Variants in AXIN1 observed in about 807,000 individuals in gnomAD.
AXIN1 encodes axin 1.
AXIN1 carries 30 observed loss-of-function variants against 76.4 expected under a neutral mutation model. That is an observed-to-expected ratio of 0.39 (90% CI 0.29 to 0.53). The LOEUF is 0.53. AXIN1 is among the 20% of genes least tolerant of loss of function. The pLI, the probability that AXIN1 is intolerant of heterozygous loss-of-function variation, is 0.66. For missense variants in AXIN1, 1,140 were observed against 1,198.8 expected (o/e 0.95, Z 0.72); for synonymous variants, 545 against 501.4 (o/e 1.09, Z -1.16).
intron 2 of AXIN1, among the ~76,000 whole-genome samples, chr16:330,096 T>C: frequency 6.8e-6 from 1 of 146,950 alleles, no homozygotes; most frequent in Non-Finnish European, 1.5e-5. Context: ...GGTCTCTCTC[T>C]GTCAACCAGG....
At chr16:341,346 C>T (rs977204556) in intron 2 of AXIN1, among the ~76,000 whole-genome samples, 14 of 152,320 alleles carry the variant, frequency 9.2e-5, no homozygotes, top group Admixed American at 8.5e-4. Flanking sequence ...TTGGTGGGCC[C>T]GGCACTCAGA....
chr16:291,448 G>C, intron 8 of AXIN1, 151 bp from the exon 9 acceptor site: 1 of 705,146 alleles, frequency 1.4e-6, no homozygotes, highest in Non-Finnish European at 2.5e-6. Flanking sequence ...GGGTAGACAA[G>C]ACACCGAGTC....
At chr16:351,969 G>A (rs927406712) in intron 1 of AXIN1, among the ~76,000 whole-genome samples, 8 of 152,282 alleles carry the variant, frequency 5.3e-5, no homozygotes, top group Non-Finnish European at 8.8e-5. Context: ...AACCTGGAGG[G>A]TACGGACGCC....
chr16:346,879 A>C lies in AXIN1; in HGVS notation c.147T>G (p.Gly49=). Residue 49 remains glycine (G), a synonymous_variant, in exon 2 of 11, where the codon GGT becomes GGG. Coordinates refer to ENST00000262320, the MANE Select transcript of AXIN1 (RefSeq NM_003502.4). ...PASYSFCSGK[G]VGIKGETSTA... is the part of the protein sequence containing the mutation. Reference sequence around the variant, plus strand: ...TCGAAGTCTCACCTTTAATGCCAACACCTTTCCCGGAGCAGAAACTGTAGC... The same window carrying C: ...TCGAAGTCTCACCTTTAATGCCAACCCCTTTCCCGGAGCAGAAACTGTAGC... 6.2e-7 allele frequency: 1 copy of C among 1,613,570 alleles called. No individual in the cohort carries two copies. The highest frequency in any genetic ancestry group is 8.5e-7 in the Non-Finnish European group (1 of 1,179,560).
intron 2 of AXIN1, among the ~76,000 whole-genome samples, chr16:328,461 C>T (rs1341487510): frequency 6.6e-6 from 1 of 151,888 alleles, no homozygotes; most frequent in African/African-American, 2.4e-5. Flanking sequence ...TTTGGGAGGC[C>T]GCGGCGGGCG....
intron 2 of AXIN1, among the ~76,000 whole-genome samples, chr16:332,256 A>G (rs1009215890): frequency 6.6e-6 from 1 of 152,208 alleles, no homozygotes; most frequent in African/African-American, 2.4e-5. Flanking sequence ...CAAGTAAAGC[A>G]TATTTAACTT....
intron 2 of AXIN1, among the ~76,000 whole-genome samples, chr16:341,275 C>T (rs1445461718): frequency 1.3e-5 from 2 of 152,248 alleles, no homozygotes; most frequent in African/African-American, 4.8e-5. Context: ...GGGAGAGGCG[C>T]GAGCGGGAAC....
intron 2 of AXIN1, among the ~76,000 whole-genome samples, chr16:318,805 G>C (rs908384939): frequency 1.3e-5 from 2 of 151,174 alleles, no homozygotes; most frequent in African/African-American, 4.9e-5. Flanking sequence ...TTCTCAGACA[G>C]TGGAGATGCT....
intron 7 of AXIN1, among the ~76,000 whole-genome samples, chr16:294,216 C>A (rs766114018): frequency 2.0e-5 from 3 of 152,038 alleles, no homozygotes; most frequent in Non-Finnish European, 4.4e-5. Flanking sequence ...TCCCAATACT[C>A]TGGGAGGCCA....
intron 2 of AXIN1, among the ~76,000 whole-genome samples, chr16:320,806 C>A (rs1215794638): frequency 3.3e-5 from 2 of 60,158 alleles, no homozygotes; most frequent in African/African-American, 9.7e-5. Flanking sequence ...GTGGCGCGAT[C>A]TCGGCTCACT....
intron 8 of AXIN1, 82 bp from the exon 9 acceptor site, chr16:291,379 A>C (rs2052556673): frequency 8.2e-7 from 1 of 1,223,656 alleles, no homozygotes; most frequent in Admixed American, 2.0e-5. Context: ...GCTGCTGCGC[A>C]GGGACGGACG....
chr16:290,411 C>T (rs1013068059), intron 9 of AXIN1: 9 of 155,692 alleles, frequency 5.8e-5, no homozygotes, highest in Non-Finnish European at 1.4e-5. Context: ...GACGTCCTCC[C>T]AGTGCCACAT....
At chr16:332,138 G>A (rs1398119711) in intron 2 of AXIN1, among the ~76,000 whole-genome samples, 1 of 152,182 alleles carries the variant, frequency 6.6e-6, no homozygotes, top group African/African-American at 2.4e-5. Context: ...AATGGTCCCT[G>A]ACAGTCCTCT....
chr16:293,756 C>A lies in AXIN1; in HGVS notation c.1956-38G>T, dbSNP rs558447308. On this transcript the variant is annotated intron_variant, in intron 7 of 10. Transcript: ENST00000262320. The surrounding 1 kb of genome is among the most constrained non-coding windows in gnomAD (Gnocchi z 4.6). ...GAGAACAAGTTGTGACTGTGGCCGACACCCTGGCCAGGTGGCCTGGTGGGG... is the reference window on the plus strand; with the variant it reads ...GAGAACAAGTTGTGACTGTGGCCGAAACCCTGGCCAGGTGGCCTGGTGGGG... 6.3e-7 allele frequency: 1 copy of A among 1,594,124 alleles called. No homozygotes were observed. The highest frequency in any genetic ancestry group is 8.6e-7 in the Non-Finnish European group (1 of 1,165,052).
chr16:335,630 C>T (rs1470791668), intron 2 of AXIN1, among the ~76,000 whole-genome samples: 1 of 151,924 alleles, frequency 6.6e-6, no homozygotes, highest in African/African-American at 2.4e-5. Context: ...CACCCAATAA[C>T]AGCACCCAGT....
At chr16:317,311 G>A (rs1003187228) in intron 2 of AXIN1, among the ~76,000 whole-genome samples, 1 of 152,306 alleles carries the variant, frequency 6.6e-6, no homozygotes, top group African/African-American at 2.4e-5. Flanking sequence ...CTGGGGCTGT[G>A]GCCTCCATGC....
intron 10 of AXIN1, 120 bp from the exon 11 acceptor site, chr16:288,368 G>C: frequency 2.1e-6 from 3 of 1,448,850 alleles, no homozygotes; most frequent in Non-Finnish European, 2.9e-6. Flanking sequence ...ATGCCCCACG[G>C]CCCCCACTGC....
intron 5 of AXIN1, among the ~76,000 whole-genome samples, chr16:302,408 C>A (rs1485099740): frequency 2.0e-5 from 3 of 152,252 alleles, no homozygotes; most frequent in Non-Finnish European, 4.4e-5. Flanking sequence ...AAACAATTTA[C>A]TGAGGATAAA....
At chr16:330,830 C>T (rs559457042) in intron 2 of AXIN1, among the ~76,000 whole-genome samples, 1 of 152,368 alleles carries the variant, frequency 6.6e-6, no homozygotes, top group African/African-American at 2.4e-5. Context: ...TTCCAAAGAA[C>T]AGCCAATGAC....
Sources: allele counts gnomAD v4.1 joint callset (sites outside exome capture counted in the v4.1 genomes callset), GRCh38; gene constraint gnomAD v4.1.1; non-coding constraint Gnocchi (gnomAD v3.1); transcripts MANE v1.5; gene names NCBI Gene and HGNC (gene_info 2026-07-23, HGNC 2026-07-21).